The following PHF3 variants were observed in gnomAD, a reference collection of about 807,000 sequenced individuals.
PHF3 encodes the protein PHD finger protein 3.
PHF3 carries 41 observed loss-of-function variants against 178.4 expected under a neutral mutation model. The ratio of observed to expected loss-of-function variants is 0.23; its 90% CI spans 0.18 to 0.30. The LOEUF is 0.30. Ranked by LOEUF, PHF3 falls within the 10% of genes least tolerant of loss-of-function variation. PHF3 has a pLI of 1.00. For synonymous variants in PHF3, 842 were observed against 800.5 expected (o/e 1.05, Z -0.88); for missense variants, 2,346 against 2,398.1 (o/e 0.98, Z 0.45).
chr6:63,647,803 A>G (rs904987939), intron 2 of PHF3, among the ~76,000 whole-genome samples: 3 of 152,184 alleles, frequency 2.0e-5, no homozygotes, highest in Non-Finnish European at 2.9e-5. Flanking sequence ...TTCTGTGAGT[A>G]AAATTATAGG....
intron 2 of PHF3, among the ~76,000 whole-genome samples, chr6:63,649,090 A>T (rs1468655008): frequency 6.8e-6 from 1 of 147,696 alleles, no homozygotes; most frequent in African/African-American, 2.6e-5. Flanking sequence ...TTATTTATTT[A>T]TTTATTTATT....
In PHF3 at chr6:63,718,051, A is replaced by T. The variant is rs555107011; in HGVS notation, c.*4343A>T. ...CACCATTATCACCAGGATAGCAAAA[A>T]TAGGAAGCGGGAATAGTGTTGATTT... On this transcript the variant is annotated 3_prime_UTR_variant, in exon 16 of 16. Transcript: ENST00000262043. Among the ~76,000 whole-genome samples the T allele has an allele frequency of 1.4e-4, 22 of 152,196 alleles. No individual in the cohort carries two copies. Among genetic ancestry groups the T allele is most frequent in the African/African-American group, 5.3e-4 (22 of 41,572 alleles).
chr6:63,710,460 T>C (rs1475490650), intron 14 of PHF3, among the ~76,000 whole-genome samples: 1 of 152,166 alleles, frequency 6.6e-6, no homozygotes, highest in Non-Finnish European at 1.5e-5. Context: ...GTTTTAGGCT[T>C]TGCAGCAAAT....
intron 3 of PHF3, among the ~76,000 whole-genome samples, chr6:63,681,491 TC>T (rs1441710802): frequency 2.0e-5 from 3 of 152,092 alleles, no homozygotes; most frequent in African/African-American, 7.2e-5. Context: ...TTTGCCTACT[TC>T]CTACCTCTTT....
intron 2 of PHF3, among the ~76,000 whole-genome samples, chr6:63,651,976 A>G (rs1765039386): frequency 6.6e-6 from 1 of 152,106 alleles, no homozygotes; most frequent in Non-Finnish European, 1.5e-5. Context: ...TCGATTTCGT[A>G]TTATGGCTAT....
intron 2 of PHF3, among the ~76,000 whole-genome samples, chr6:63,676,848 A>C (rs1041668637): frequency 6.6e-6 from 1 of 152,176 alleles, no homozygotes; most frequent in Non-Finnish European, 1.5e-5. Context: ...GGACACTAGG[A>C]GGCTGTTACA....
In PHF3 at chr6:63,702,659, G is replaced by A. The variant is rs368727173; in HGVS notation, c.3231+20G>A. The A allele has an allele frequency of 1.3e-5, 20 of 1,590,974 alleles. No homozygotes were observed. Among genetic ancestry groups the A allele is most frequent in the Non-Finnish European group, 1.6e-5 (19 of 1,168,600 alleles). On this transcript the variant is annotated intron_variant, in intron 10 of 15. Transcript: ENST00000262043. ...ATTCAGGTAAGGATAGATATGCCAT[G>A]TTTTATAGCTCAAAACATGAAGATT... is the stretch of plus-strand genomic sequence containing the variant.
intron 2 of PHF3, among the ~76,000 whole-genome samples, chr6:63,674,756 C>T (rs939654931): frequency 6.6e-6 from 1 of 152,104 alleles, no homozygotes; most frequent in Admixed American, 6.6e-5. Context: ...TTCTTTTCCC[C>T]CTCAAGTCTG....
In PHF3 at chr6:63,716,500, C is replaced by T. The variant is rs1244442324; in HGVS notation, c.*2792C>T. ...TTTATATTAATCACAAATCCTAATT[C>T]TCTATTCCTGTTTTCTATTGCTGTT... On this transcript the variant is annotated 3_prime_UTR_variant, in exon 16 of 16. Transcript: ENST00000262043. Among the ~76,000 whole-genome samples the T allele has an allele frequency of 2.6e-5, 4 of 152,084 alleles. No individual in the cohort carries two copies. The highest frequency in any genetic ancestry group is 6.6e-5 in the Admixed American group (1 of 15,254).
chr6:63,635,968 T>C lies in PHF3; in HGVS notation c.-208T>C, dbSNP rs1369074626. ...AGGAGGGCGGCGCGGAAGCCAAGAA[T>C]AGTGTCGTCAGCAGCAGCCATTTGG... On this transcript the variant is annotated 5_prime_UTR_variant, in exon 1 of 16. An upstream open reading frame in the 5' UTR loses its in-frame stop. Coordinates refer to ENST00000262043, the MANE Select transcript of PHF3 (RefSeq NM_001370348.2). 7.5e-6 allele frequency: 3 copies of C among 397,826 alleles called. No individual in the cohort carries two copies. Among genetic ancestry groups the C allele is most frequent in the African/African-American group, 2.1e-5 (1 of 48,586 alleles). The allele number at this position is 397,826 out of a possible 1,614,324, so 24.6% of individuals were successfully genotyped here.
At chr6:63,665,917 CTACTT>C (rs1436071081) in intron 2 of PHF3, among the ~76,000 whole-genome samples, 15 of 152,292 alleles carry the variant, frequency 9.8e-5, no homozygotes, top group Middle Eastern at 3.4e-3. Flanking sequence ...CAACTCCTCT[CTACTT>C]TATGGAATTT....
At position 63,717,289 on chromosome 6, in the gene PHF3, C is replaced by T. The variant is rs149847688; in HGVS notation, c.*3581C>T. 2.8e-4 allele frequency among the ~76,000 whole-genome samples: 42 copies of T among 152,074 alleles called. No individual in the cohort carries two copies. The East Asian group carries it at 6.8e-3, about 24-fold the overall frequency. On this transcript the variant is annotated 3_prime_UTR_variant, in exon 16 of 16. Coordinates refer to ENST00000262043, the MANE Select transcript of PHF3 (RefSeq NM_001370348.2). Reference sequence around the variant, plus strand: ...ACCAAACTTAAATGCATTATGAGAGCTTGATAATGAACCAGATCTTAGTAA... The same window carrying T: ...ACCAAACTTAAATGCATTATGAGAGTTTGATAATGAACCAGATCTTAGTAA...
intron 2 of PHF3, among the ~76,000 whole-genome samples, chr6:63,656,472 T>G (rs952914386): frequency 5.3e-5 from 8 of 152,140 alleles, no homozygotes; most frequent in Non-Finnish European, 1.2e-4. Context: ...TGACTGTGTG[T>G]TTGTATGTGT....
chr6:63,700,288 C>A, intron 8 of PHF3, 62 bp from the exon 9 acceptor site: 1 of 665,584 alleles, frequency 1.5e-6, no homozygotes, highest in South Asian at 2.2e-5. Flanking sequence ...TTATAAATTT[C>A]TGTGTAGTAG....
At chr6:63,673,178 G>A (rs1765995321) in intron 2 of PHF3, among the ~76,000 whole-genome samples, 1 of 151,888 alleles carries the variant, frequency 6.6e-6, no homozygotes, top group Admixed American at 6.6e-5. Context: ...ACTTTAACAT[G>A]GCTAACAGCA....
chr6:63,683,511 GT>G (rs1298351913), intron 3 of PHF3, among the ~76,000 whole-genome samples: 1 of 151,886 alleles, frequency 6.6e-6, no homozygotes, highest in Admixed American at 6.6e-5. Context: ...TTTAAATTGT[GT>G]TTCTTTTTTG....
At chr6:63,683,751 C>G (rs1269118110) in intron 3 of PHF3, among the ~76,000 whole-genome samples, 3 of 151,980 alleles carry the variant, frequency 2.0e-5, no homozygotes, top group African/African-American at 7.2e-5. Context: ...GTTTAAAAAT[C>G]CATGATGGTC....
rs774895642 is a variant in PHF3, at chr6:63,646,626, C to G, written c.75C>G (p.Asn25Lys). Reference protein sequence around the residue: ...HLDDALFLGSNLENEVCEDFS... With the variant: ...HLDDALFLGSKLENEVCEDFS... ...ATGATGCCCTATTTCTAGGATCCAA[C>G]CTGGAGAATGAAGTCTGTGAGGATT... The change falls in exon 2 of 16, where the codon AAC becomes AAG. Residue 25 changes from asparagine to lysine, a missense_variant. Around this residue, in one of 8 missense-constraint regions of PHF3, gnomAD observed 843 missense variants for 795.2 expected, o/e 1.06. Transcript: ENST00000262043. 1.2e-6 allele frequency: 2 copies of G among 1,613,600 alleles called. No homozygotes were observed. The highest frequency in any genetic ancestry group is 1.7e-6 in the Non-Finnish European group (2 of 1,179,846).
chr6:63,658,573 T>C (rs551015483), intron 2 of PHF3, among the ~76,000 whole-genome samples: 1 of 152,314 alleles, frequency 6.6e-6, no homozygotes, highest in South Asian at 2.1e-4. Flanking sequence ...ATTTCTTTTA[T>C]GGTGTGTTTG....
Sources: gnomAD v4.1 joint callset for allele counts (sites outside exome capture counted in the v4.1 genomes callset) on GRCh38, gnomAD v4.1.1 for gene constraint, gnomAD v4.1.1 regional missense constraint, MANE v1.5 for transcripts, NCBI Gene and HGNC (gene_info 2026-07-23, HGNC 2026-07-21) for gene names.